Variants in FSTL1 observed in about 807,000 individuals in gnomAD.
FSTL1 encodes follistatin-related protein 1.
A neutral mutation model predicts 45.9 loss-of-function variants in FSTL1; 24 were observed. That is an observed-to-expected ratio of 0.52 (90% CI 0.38 to 0.74). The LOEUF (loss-of-function observed/expected upper bound fraction) is 0.74. FSTL1 is among the 30% of genes least tolerant of loss of function. FSTL1 has a pLI of 0.00. For synonymous variants in FSTL1, 120 were observed against 137.6 expected (o/e 0.87, Z 0.89); for missense variants, 340 against 381.8 (o/e 0.89, Z 0.91).
At chr3:120,449,234 G>A (rs1576231289) in intron 2 of FSTL1, among the ~76,000 whole-genome samples, 1 of 152,208 alleles carries the variant, frequency 6.6e-6, no homozygotes, top group Non-Finnish European at 1.5e-5. Context: ...CCTTAAACCT[G>A]TTTCTTCCTC....
intron 2 of FSTL1, among the ~76,000 whole-genome samples, chr3:120,442,737 C>G (rs1254748164): frequency 1.8e-4 from 26 of 144,706 alleles, no homozygotes; most frequent in Admixed American, 1.8e-3. Flanking sequence ...GAGCCGAGAT[C>G]GCACCACTGT....
At chr3:120,403,420 G>T in intron 7 of FSTL1, 66 bp from the exon 8 acceptor site, 2 of 988,464 alleles carry the variant, frequency 2.0e-6, no homozygotes, top group Non-Finnish European at 3.3e-6. Context: ...AAGGAAGTAA[G>T]CATCAGGACC....
chr3:120,399,183 A>AT (rs1936766799), intron 10 of FSTL1, among the ~76,000 whole-genome samples: 2 of 152,218 alleles, frequency 1.3e-5, no homozygotes, highest in African/African-American at 4.8e-5. Context: ...AATATCCTGT[A>AT]TTAAGACTAC....
chr3:120,405,631 C>G (rs754062852), intron 6 of FSTL1, among the ~76,000 whole-genome samples: 2 of 152,190 alleles, frequency 1.3e-5, no homozygotes, highest in Non-Finnish European at 2.9e-5. Context: ...CCTGTGGGCC[C>G]CACTGCAGAT....
Position 120,396,247 on chromosome 3 carries a change from G to A in FSTL1, c.*705C>T, listed in dbSNP as rs1324553331. ...AAATATTAAAAAACAATAATATAAT[G>A]ATAATAATTGAAGAATAAAGTCAAC... On this transcript the variant is annotated 3_prime_UTR_variant, in exon 11 of 11. Transcript: ENST00000295633. 1 of 151,900 alleles carries A rather than the reference G, an allele frequency of 6.6e-6. No homozygotes were observed. Among genetic ancestry groups the A allele is most frequent in the African/African-American group, 2.4e-5 (1 of 41,138 alleles). 9.4% of individuals were successfully genotyped at this position (151,900 alleles called of 1,614,324 possible). A position where few individuals can be genotyped will look rare whatever the true frequency, so the allele number is the denominator to read the frequency against.
intron 9 of FSTL1, among the ~76,000 whole-genome samples, chr3:120,400,729 T>C (rs976481186): frequency 3.9e-5 from 6 of 152,214 alleles, no homozygotes; most frequent in African/African-American, 1.4e-4. Flanking sequence ...TTGTCCCATT[T>C]TGATTTGTGA....
chr3:120,401,426 C>A (rs958344245), intron 9 of FSTL1, among the ~76,000 whole-genome samples: 7 of 152,102 alleles, frequency 4.6e-5, no homozygotes, highest in Admixed American at 3.9e-4. Flanking sequence ...TAGTACTGGG[C>A]CATTTATACT....
intron 2 of FSTL1, among the ~76,000 whole-genome samples, chr3:120,427,019 G>A (rs372174778): frequency 3.9e-5 from 6 of 152,172 alleles, no homozygotes; most frequent in African/African-American, 1.4e-4. Flanking sequence ...GTTTTGAAAT[G>A]AGAACTCATT....
At chr3:120,406,924 T>C (rs1214224150) in intron 6 of FSTL1, among the ~76,000 whole-genome samples, 1 of 152,044 alleles carries the variant, frequency 6.6e-6, no homozygotes. Flanking sequence ...GGGATCCAAA[T>C]GTAAACATGA....
chr3:120,428,471 A>G (rs1488748635), intron 2 of FSTL1, among the ~76,000 whole-genome samples: 3 of 152,086 alleles, frequency 2.0e-5, no homozygotes, highest in Non-Finnish European at 2.9e-5. Flanking sequence ...AGTGGCTCAT[A>G]CCTGTAATCC....
chr3:120,450,377 A>G (rs1179235951), intron 2 of FSTL1, among the ~76,000 whole-genome samples: 1 of 152,090 alleles, frequency 6.6e-6, no homozygotes, highest in East Asian at 1.9e-4. Flanking sequence ...CGCCTTTTTG[A>G]ACTCGCTGCT....
intron 2 of FSTL1, among the ~76,000 whole-genome samples, chr3:120,435,372 G>C (rs916147365): frequency 6.6e-6 from 1 of 152,146 alleles, no homozygotes; most frequent in Non-Finnish European, 1.5e-5. Context: ...AAAATTAACA[G>C]AGTTTCCCAC....
At chr3:120,444,708 C>T (rs1937699849) in intron 2 of FSTL1, among the ~76,000 whole-genome samples, 1 of 149,680 alleles carries the variant, frequency 6.7e-6, no homozygotes, top group Non-Finnish European at 1.5e-5. Context: ...CAATTAAAAG[C>T]TTAGAGAATA....
chr3:120,417,695 A>G (rs1388894155), intron 2 of FSTL1, among the ~76,000 whole-genome samples: 1 of 152,170 alleles, frequency 6.6e-6, no homozygotes, highest in African/African-American at 2.4e-5. Flanking sequence ...AAAAAGGAAG[A>G]GGAAAAGGTT....
chr3:120,400,508 A>G (rs1228950807), intron 9 of FSTL1, among the ~76,000 whole-genome samples: 3 of 152,220 alleles, frequency 2.0e-5, no homozygotes, highest in Non-Finnish European at 4.4e-5. Context: ...GATAAACAAA[A>G]ACAAAAACTA....
chr3:120,436,762 T>C (rs1937567966), intron 2 of FSTL1, among the ~76,000 whole-genome samples: 1 of 152,170 alleles, frequency 6.6e-6, no homozygotes, highest in Non-Finnish European at 1.5e-5. Flanking sequence ...CTGCTTCTGA[T>C]ATAGGACTCA....
chr3:120,432,382 C>T (rs925803762), intron 2 of FSTL1, among the ~76,000 whole-genome samples: 2 of 152,102 alleles, frequency 1.3e-5, no homozygotes, highest in Non-Finnish European at 2.9e-5. Flanking sequence ...CTTATGCTGG[C>T]CAATCAGGCC....
chr3:120,403,116 C>G (rs1247820429), intron 8 of FSTL1, 126 bp downstream of exon 8: 1 of 721,926 alleles, frequency 1.4e-6, no homozygotes, highest in African/African-American at 1.7e-5. Flanking sequence ...GGGCTGGGGC[C>G]CAGTTTAGAA....
At chr3:120,399,397 G>A (rs1339141543) in intron 10 of FSTL1, among the ~76,000 whole-genome samples, 20 of 152,204 alleles carry the variant, frequency 1.3e-4, no homozygotes, top group Admixed American at 1.3e-3. Context: ...GACTGATGTT[G>A]AACTTAAATC....
Sources: allele counts gnomAD v4.1 joint callset (sites outside exome capture counted in the v4.1 genomes callset), GRCh38; gene constraint gnomAD v4.1.1; transcripts MANE v1.5; gene names NCBI Gene and HGNC (gene_info 2026-07-23, HGNC 2026-07-21).